The following PRR16 variants were observed in gnomAD, a reference collection of about 807,000 sequenced individuals.
PRR16 encodes the protein protein Largen.
PRR16 carries 6 observed loss-of-function variants against 18.2 expected under a neutral mutation model. That is an observed-to-expected ratio of 0.33 (90% confidence interval 0.18 to 0.65). The LOEUF (loss-of-function observed/expected upper bound fraction) is 0.65, where lower values mean the gene tolerates loss of function less well. PRR16 is among the 30% of genes least tolerant of loss of function. The pLI is 0.74. For synonymous variants in PRR16, 151 were observed against 147.8 expected (o/e 1.02, Z -0.16); for missense variants, 412 against 376.6 (o/e 1.09, Z -0.78).
rs1460813403 is a variant in PRR16, at chr5:120,686,501, A to T, written c.707A>T (p.Glu236Val). Residue 236 changes from glutamate (E) to valine (V), a missense_variant, in exon 2 of 2, where the codon GAA becomes GTA. Glu to Val is a moderately radical substitution (Grantham distance 121). Transcript: ENST00000407149. ...AACAGGGAGGTCCACTTACACAGTG[A>T]ACCTGTCCACCCACCGGGAAAGATT... ...IKNREVHLHSEPVHPPGKIPH... is the reference protein window; with the variant it reads ...IKNREVHLHSVPVHPPGKIPH... 9 of 1,613,738 alleles carry T rather than the reference A, an allele frequency of 5.6e-6. No homozygotes were observed. The highest frequency in any genetic ancestry group is 1.7e-5 in the Admixed American group (1 of 59,976).
chr5:120,520,925 A>G (rs1022606255), intron 1 of PRR16, among the ~76,000 whole-genome samples: 6 of 151,648 alleles, frequency 4.0e-5, no homozygotes, highest in Non-Finnish European at 7.4e-5. Context: ...ACACAGCATC[A>G]TAGGTCATGG....
At chr5:120,657,191 A>G (rs752970530) in intron 1 of PRR16, among the ~76,000 whole-genome samples, 15 of 152,064 alleles carry the variant, frequency 9.9e-5, no homozygotes, top group Non-Finnish European at 2.1e-4. Context: ...ATCTACATGT[A>G]TTTTGGTGTT....
At chr5:120,534,513 T>C (rs1751652743) in intron 1 of PRR16, among the ~76,000 whole-genome samples, 2 of 152,184 alleles carry the variant, frequency 1.3e-5, no homozygotes, top group African/African-American at 4.8e-5. Flanking sequence ...ATCTTTTTTG[T>C]ATATATCATT....
chr5:120,474,262 A>G (rs536530199), intron 1 of PRR16, among the ~76,000 whole-genome samples: 41 of 152,242 alleles, frequency 2.7e-4, no homozygotes, highest in African/African-American at 8.7e-4. Context: ...ACTCTGCACT[A>G]TTGACATATT....
At chr5:120,510,287 T>A (rs549134612) in intron 1 of PRR16, among the ~76,000 whole-genome samples, 1 of 152,324 alleles carries the variant, frequency 6.6e-6, no homozygotes, top group South Asian at 2.1e-4. Flanking sequence ...CTCAGAAAGC[T>A]ATTTAAATAC....
At position 120,465,907 on chromosome 5, in the gene PRR16, A is replaced by C. The variant is rs568474585; in HGVS notation, c.159+1262A>C. On this transcript the variant is annotated intron_variant, in intron 1 of 1. Transcript: ENST00000407149. ...ATTAACCTCCTGTATTCAATTTCCA[A>C]ACCAAATTTCAAGAGCCCCCTCGTC... Among the ~76,000 whole-genome samples the C allele has an allele frequency of 8.5e-5, 13 of 152,154 alleles. No individual in the cohort carries two copies. The South Asian group carries it at 1.2e-3, about 15-fold the overall frequency.
intron 1 of PRR16, among the ~76,000 whole-genome samples, chr5:120,541,796 T>G (rs958079432): frequency 3.9e-5 from 6 of 152,198 alleles, no homozygotes; most frequent in African/African-American, 1.4e-4. Flanking sequence ...CTTTCAGGGC[T>G]TAAATAGGCT....
intron 1 of PRR16, among the ~76,000 whole-genome samples, chr5:120,649,264 G>A (rs767500244): frequency 6.6e-6 from 1 of 152,058 alleles, no homozygotes; most frequent in Non-Finnish European, 1.5e-5. Context: ...TTAAGGTAAT[G>A]GAAACAGTGG....
the PRR16 span, among the ~76,000 whole-genome samples, chr5:120,706,676 T>C: frequency 2.0e-5 from 3 of 152,258 alleles, no homozygotes; most frequent in Non-Finnish European, 4.4e-5. Context: ...CATATGCTAC[T>C]TTAATTCTCA....
intron 1 of PRR16, among the ~76,000 whole-genome samples, chr5:120,508,177 G>C (rs1234278744): frequency 6.6e-6 from 1 of 151,842 alleles, no homozygotes; most frequent in Admixed American, 6.6e-5. Context: ...TCCCCTTCCT[G>C]GAATAAAAAT....
At chr5:120,748,327 A>G in the PRR16 span, among the ~76,000 whole-genome samples, 1 of 152,086 alleles carries the variant, frequency 6.6e-6, no homozygotes, top group Admixed American at 6.5e-5. Context: ...TCTAAAACAT[A>G]TTTGCTTTAC....
chr5:120,577,126 G>C (rs556088487), intron 1 of PRR16, among the ~76,000 whole-genome samples: 1 of 151,922 alleles, frequency 6.6e-6, no homozygotes, highest in South Asian at 2.1e-4. Context: ...ATATTCTTGT[G>C]AGTTTATACT....
At chr5:120,783,461 T>G in the PRR16 span, among the ~76,000 whole-genome samples, 1 of 152,184 alleles carries the variant, frequency 6.6e-6, no homozygotes, top group East Asian at 1.9e-4. Flanking sequence ...AATGGCATCA[T>G]GTTTTAAAAA....
At chr5:120,783,865 C>G in the PRR16 span, among the ~76,000 whole-genome samples, 1 of 151,944 alleles carries the variant, frequency 6.6e-6, no homozygotes, top group Non-Finnish European at 1.5e-5. Flanking sequence ...TTTTTCCCCC[C>G]ATTCCCACTA....
At chr5:120,603,835 A>G (rs1584463) in intron 1 of PRR16, among the ~76,000 whole-genome samples, 23,616 of 151,736 alleles carry the variant, frequency 0.16, 2,312 homozygotes, top group African/African-American at 0.29. Context: ...GGAGCAGGTT[A>G]TTTAATTTCA....
At chr5:120,518,235 T>C (rs911741798) in intron 1 of PRR16, among the ~76,000 whole-genome samples, 2 of 152,178 alleles carry the variant, frequency 1.3e-5, no homozygotes, top group Admixed American at 6.5e-5. Flanking sequence ...TTTTAATACA[T>C]CTTAATTCTC....
At chr5:120,577,944 G>A (rs527785156) in intron 1 of PRR16, among the ~76,000 whole-genome samples, 29 of 152,126 alleles carry the variant, frequency 1.9e-4, no homozygotes, top group South Asian at 6.2e-4. Context: ...TAGCACTTTC[G>A]GAATCCAGAG....
intron 1 of PRR16, among the ~76,000 whole-genome samples, chr5:120,494,299 T>G (rs1339347425): frequency 6.6e-6 from 1 of 152,120 alleles, no homozygotes; most frequent in Non-Finnish European, 1.5e-5. Flanking sequence ...CATCTTTTCA[T>G]TTGCTTATAT....
At chr5:120,499,056 T>A (rs1750356407) in intron 1 of PRR16, among the ~76,000 whole-genome samples, 1 of 152,048 alleles carries the variant, frequency 6.6e-6, no homozygotes, top group Non-Finnish European at 1.5e-5. Context: ...AATCTGTAGG[T>A]TTGTAAGTCT....
Sources: gnomAD v4.1 joint callset for allele counts (sites outside exome capture counted in the v4.1 genomes callset) on GRCh38, gnomAD v4.1.1 for gene constraint, MANE v1.5 for transcripts, NCBI Gene and HGNC (gene_info 2026-07-23, HGNC 2026-07-21) for gene names.